Variants in GAK observed in about 807,000 individuals in gnomAD.
The protein encoded by GAK is cyclin G associated kinase, also known as cyclin-G-associated kinase.
In GAK, 79 loss-of-function variants were observed where a neutral mutation model predicts 143.9. The ratio of observed to expected loss-of-function variants is 0.55; its 90% CI spans 0.46 to 0.66. The LOEUF is 0.66. Ranked by LOEUF, GAK falls within the 30% of genes least tolerant of loss-of-function variation. GAK has a pLI of 0.00. For synonymous variants in GAK, 881 were observed against 765.5 expected (o/e 1.15, Z -2.49); for missense variants, 1,693 against 1,779.7 (o/e 0.95, Z 0.88).
At chr4:877,529 C>T (rs973771280) in intron 16 of GAK, 86 bp downstream of exon 16, 8 of 1,392,034 alleles carry the variant, frequency 5.7e-6, no homozygotes, top group African/African-American at 1.4e-5. Flanking sequence ...AAGCGCCTGT[C>T]CCCGGCAAGG....
rs374345324 is a variant in GAK, at chr4:893,419, G to A, written c.948C>T (p.Ile316=). ...IAEVVHQLQE[I]AAARNVNPKS... ...TGGGGTTCACGTTGCGGGCGGCCGC[G>A]ATCTCCTGCAGCTGGTGCACCACCT... Residue 316 remains isoleucine (I), a synonymous_variant, in exon 9 of 28, where the codon ATC becomes ATT. Coordinates refer to ENST00000314167, the MANE Select transcript of GAK (RefSeq NM_005255.4). 1.3e-6 allele frequency: 2 copies of A among 1,591,242 alleles called. No homozygotes were observed. The highest frequency in any genetic ancestry group is 1.7e-6 in the Non-Finnish European group (2 of 1,169,328).
Position 882,837 on chromosome 4 carries a change from G to A in GAK, c.1405-18C>T, listed in dbSNP as rs756076754. ...TCGGAGACCTGTGGGGACAGGGCAC[G>A]GTGGCACGGACGGCAGAGGAGCCCC... On this transcript the variant is annotated intron_variant, in intron 13 of 27. Coordinates refer to ENST00000314167, the MANE Select transcript of GAK (RefSeq NM_005255.4). 6.8e-5 allele frequency: 109 copies of A among 1,604,990 alleles called. No homozygotes were observed. In the Admixed American group the frequency reaches 9.7e-4, roughly 14 times the overall value.
intron 1 of GAK, among the ~76,000 whole-genome samples, chr4:929,392 C>T (rs1725327068): frequency 6.6e-6 from 1 of 152,198 alleles, no homozygotes; most frequent in African/African-American, 2.4e-5. Flanking sequence ...GCAGTAACCC[C>T]GAGTTCAAGT....
chr4:851,666 T>C, intron 25 of GAK, 84 bp downstream of exon 25: 1 of 1,410,648 alleles, frequency 7.1e-7, no homozygotes, highest in African/African-American at 1.4e-5. Flanking sequence ...GGCTCTGAGA[T>C]GAAGAAAACA....
rs773750647 is a variant in GAK at position 884,097 on chromosome 4, AAAG to A, written c.1206-14_1206-12del. The A allele has an allele frequency of 1.2e-6, 2 of 1,612,172 alleles. No individual in the cohort carries two copies. Among genetic ancestry groups the A allele is most frequent in the African/African-American group, 1.3e-5 (1 of 74,934 alleles). On this transcript the variant is annotated splice_polypyrimidine_tract_variant and intron_variant, in intron 11 of 27. Coordinates refer to ENST00000314167, the MANE Select transcript of GAK (RefSeq NM_005255.4). ...TCACCCTTTGCATAACTGGAATTAA[AAAG>A]AAGAGAACTTGGTTATGACAAGAAA...
intron 24 of GAK, among the ~76,000 whole-genome samples, chr4:855,320 A>G (rs1748944918): frequency 6.6e-6 from 1 of 151,870 alleles, no homozygotes; most frequent in South Asian, 2.1e-4. Context: ...ATTTATACCT[A>G]AATGTTTATT....
chr4:853,826 T>A (rs1321304290), intron 24 of GAK: 1 of 150,354 alleles, frequency 6.7e-6, no homozygotes, highest in Non-Finnish European at 1.5e-5. Context: ...TGAGACAGAG[T>A]CTTGCTCTGT....
At chr4:855,409 A>G (rs1329297175) in intron 24 of GAK, among the ~76,000 whole-genome samples, 2 of 152,186 alleles carry the variant, frequency 1.3e-5, no homozygotes, top group Non-Finnish European at 2.9e-5. Context: ...AAGTAAACAG[A>G]AATAGGACAG....
chr4:932,250 GC>G lies in GAK; in HGVS notation c.-64del. ...GTCGGGCTCGGGCTCCCGCTCCCTC[GC>G]CGTCCGGGTCAGCTCAGCAACCGCC... On this transcript the variant is annotated 5_prime_UTR_variant, in exon 1 of 28. Coordinates refer to ENST00000314167, the MANE Select transcript of GAK (RefSeq NM_005255.4). This position sits in a 1 kb window ranked among gnomAD's most constrained non-coding sequence, Gnocchi z 4.0. 6.8e-7 allele frequency: 1 copy of G among 1,463,036 alleles called. No homozygotes were observed. The highest frequency in any genetic ancestry group is 2.4e-4 in the Middle Eastern group (1 of 4,116). 90.6% of individuals were successfully genotyped at this position (1,463,036 alleles called of 1,614,324 possible).
intron 5 of GAK, among the ~76,000 whole-genome samples, chr4:901,402 C>T (rs920999915): frequency 2.0e-5 from 3 of 152,124 alleles, no homozygotes; most frequent in Admixed American, 6.5e-5. Context: ...TGGAGAGCCA[C>T]GGCCTTGGAT....
In GAK at chr4:895,026, T is replaced by C. The variant is rs192705418; in HGVS notation, c.742-1017A>G. ...ATAAATAAATAAATAAAGGTTCCTT[T>C]CAAAATTCCGGGGTTCCCACACTCA... On this transcript the variant is annotated intron_variant, in intron 7 of 27. Coordinates refer to ENST00000314167, the MANE Select transcript of GAK (RefSeq NM_005255.4). Among the ~76,000 whole-genome samples the C allele has an allele frequency of 1.8e-3, 254 of 144,908 alleles. 1 individual carries two copies. Among genetic ancestry groups the C allele is most frequent in the African/African-American group, 6.1e-3 (234 of 38,638 alleles).
At chr4:856,347 GCTCACAC>G (rs1560280544) in intron 24 of GAK, among the ~76,000 whole-genome samples, 26 of 134,586 alleles carry the variant, frequency 1.9e-4, no homozygotes, top group African/African-American at 6.1e-4. Context: ...GCTCACACCT[GCTCACAC>G]CTGCTCACCA....
intron 1 of GAK, among the ~76,000 whole-genome samples, chr4:923,090 G>A (rs756619941): frequency 6.6e-5 from 10 of 152,150 alleles, no homozygotes; most frequent in Non-Finnish European, 1.3e-4. Flanking sequence ...AGGAAATGGC[G>A]TGGCTGAGAG....
intron 24 of GAK, chr4:852,657 T>G (rs1366650923): frequency 6.5e-6 from 1 of 153,100 alleles, no homozygotes; most frequent in African/African-American, 2.4e-5. Flanking sequence ...TTAGCCAGGA[T>G]GGTCTCCATC....
Position 882,053 on chromosome 4 carries a change from G to A in GAK, c.1528-13C>T. On this transcript the variant is annotated splice_polypyrimidine_tract_variant and intron_variant, in intron 14 of 27. Coordinates refer to ENST00000314167, the MANE Select transcript of GAK (RefSeq NM_005255.4). ...CGGCTCTCCCGTCCTAGGACAGACA[G>A]ACACGTCTCGCGTGCGCCTCGCACT... is the stretch of plus-strand genomic sequence containing the variant. 3 of 1,592,644 alleles carry A rather than the reference G, an allele frequency of 1.9e-6. No individual in the cohort carries two copies. Among genetic ancestry groups the A allele is most frequent in the Non-Finnish European group, 2.6e-6 (3 of 1,169,288 alleles).
chr4:888,942 C>A lies in GAK; in HGVS notation c.1110G>T (p.Pro370=). 6 of 1,611,982 alleles carry A rather than the reference C, an allele frequency of 3.7e-6. No homozygotes were observed. The highest frequency in any genetic ancestry group is 2.7e-5 in the African/African-American group (2 of 75,058). ...GCAGAATGTCCAGGAAGCCGCCATA[C>A]GGCTGGTCGTACTCCGCCAGCGCCA... The part of the protein sequence containing the change: ...GGLALAEYDQ[P]YGGFLDILRG... Residue 370 remains proline (P), a synonymous_variant, in exon 11 of 28, where the codon CCG becomes CCT. Coordinates refer to ENST00000314167, the MANE Select transcript of GAK (RefSeq NM_005255.4).
At chr4:873,781 G>C in intron 18 of GAK, among the ~76,000 whole-genome samples, 2 of 152,196 alleles carry the variant, frequency 1.3e-5, no homozygotes, top group East Asian at 3.8e-4. Context: ...TCGTGTGCAA[G>C]GGTTTTGAAG....
At chr4:924,588 T>C (rs757634120) in intron 1 of GAK, among the ~76,000 whole-genome samples, 1 of 152,182 alleles carries the variant, frequency 6.6e-6, no homozygotes, top group Non-Finnish European at 1.5e-5. Flanking sequence ...TCTTTATTCA[T>C]AACAGCACAT....
chr4:856,515 TCACACCTGCTCAC>T (rs1192046661), intron 24 of GAK, among the ~76,000 whole-genome samples: 1 of 138,422 alleles, frequency 7.2e-6, no homozygotes, highest in South Asian at 2.4e-4. Context: ...CCACAGCTGC[TCACACCTGCTCAC>T]CACCACAGCT....
Sources: allele counts gnomAD v4.1 joint callset (sites outside exome capture counted in the v4.1 genomes callset), GRCh38; gene constraint gnomAD v4.1.1; non-coding constraint Gnocchi (gnomAD v3.1); transcripts MANE v1.5; gene names NCBI Gene and HGNC (gene_info 2026-07-23, HGNC 2026-07-21).